RSF1: variants seen among roughly 807,000 people sequenced by gnomAD.
The protein encoded by RSF1 is HBV pX-associated protein 8.
RSF1 carries 13 observed loss-of-function variants against 145.2 expected under a neutral mutation model. That is an observed-to-expected ratio of 0.09 (90% CI 0.06 to 0.14). The LOEUF (loss-of-function observed/expected upper bound fraction) is 0.14, where lower values mean the gene tolerates loss of function less well. RSF1 is among the 10% of genes least tolerant of loss of function. RSF1 has a pLI of 1.00. For missense variants in RSF1, 1,517 were observed against 1,718.2 expected, an observed-to-expected ratio of 0.88 and a Z score of 2.07; for synonymous variants, 577 against 592.6, an observed-to-expected ratio of 0.97 and a Z score of 0.38.
chr11:77,711,544 C>T (rs1435370314), intron 5 of RSF1, among the ~76,000 whole-genome samples: 2 of 152,082 alleles, frequency 1.3e-5, no homozygotes, highest in Non-Finnish European at 2.9e-5. Flanking sequence ...TTGCAGGTGC[C>T]TGTAATCCCA....
At chr11:77,755,740 T>C (rs7129686) in intron 2 of RSF1, among the ~76,000 whole-genome samples, 65,580 of 151,774 alleles carry the variant, frequency 0.43, 14,302 homozygotes, top group South Asian at 0.61. Context: ...CCACCATGCC[T>C]GGCTAATTTT....
At chr11:77,862,145 C>G in the RSF1 span, among the ~76,000 whole-genome samples, 2 of 152,292 alleles carry the variant, frequency 1.3e-5, no homozygotes, top group East Asian at 3.9e-4. Flanking sequence ...TCTGTATGTT[C>G]TGATTCTGTG....
At position 77,785,552 on chromosome 11, in the gene RSF1, T is replaced by C. The variant is rs547852877; in HGVS notation, c.188-20863A>G. On this transcript the variant is annotated intron_variant, in intron 1 of 15. Coordinates refer to ENST00000308488, the MANE Select transcript of RSF1 (RefSeq NM_016578.4). ...TTGCAGTGAGCCGAGCTCATGCCAT[T>C]GCACTCCAGCCCAGGCAACAAGAGC... Among the ~76,000 whole-genome samples the C allele has an allele frequency of 4.6e-5, 7 of 150,842 alleles. No individual in the cohort carries two copies. In the South Asian group the frequency reaches 1.5e-3, roughly 32 times the overall value.
the RSF1 span, among the ~76,000 whole-genome samples, chr11:77,853,725 C>T: frequency 6.6e-6 from 1 of 151,886 alleles, no homozygotes; most frequent in Admixed American, 6.6e-5. Context: ...TGGATTGCTT[C>T]AGGTGAGGAG....
At chr11:77,723,660 A>C (rs910081401) in intron 5 of RSF1, among the ~76,000 whole-genome samples, 2 of 152,248 alleles carry the variant, frequency 1.3e-5, no homozygotes, top group Non-Finnish European at 2.9e-5. Flanking sequence ...ATTATTATAT[A>C]CTACACGGAA....
At chr11:77,773,452 T>C (rs1948308959) in intron 1 of RSF1, among the ~76,000 whole-genome samples, 1 of 152,146 alleles carries the variant, frequency 6.6e-6, no homozygotes, top group African/African-American at 2.4e-5. Context: ...TGCTATAGTA[T>C]ATATGCTCAA....
At chr11:77,825,433 A>G (rs2136035558), upstream of RSF1, among the ~76,000 whole-genome samples, 1 of 152,300 alleles carries the variant, frequency 6.6e-6, no homozygotes, top group East Asian at 1.9e-4. Context: ...CAAGCTGCGC[A>G]CGGTGGTTCA....
At chr11:77,716,701 C>T (rs555875266) in intron 5 of RSF1, among the ~76,000 whole-genome samples, 1 of 152,304 alleles carries the variant, frequency 6.6e-6, no homozygotes, top group South Asian at 2.1e-4. Context: ...ATGGTGACTA[C>T]AGTTACAACA....
intron 4 of RSF1, among the ~76,000 whole-genome samples, chr11:77,740,078 G>T (rs771121902): frequency 6.6e-6 from 1 of 152,188 alleles, no homozygotes; most frequent in Non-Finnish European, 1.5e-5. Context: ...ATGCTGAATA[G>T]AAAACTATAG....
chr11:77,745,671 C>T (rs926906907), intron 3 of RSF1, among the ~76,000 whole-genome samples: 3 of 151,314 alleles, frequency 2.0e-5, no homozygotes, highest in African/African-American at 7.3e-5. Context: ...TCATTGATAG[C>T]TGGCTCTGGA....
rs1959374364 is a variant in RSF1 at position 77,666,866 on chromosome 11, T to G, written c.*51A>C. ...AAACAGCTTTTAATAACTGGCCCGC[T>G]GGTGTGAGAGCTACCGTGGAATAAA... On this transcript the variant is annotated 3_prime_UTR_variant, in exon 16 of 16. Transcript: ENST00000308488. 2 of 1,409,628 alleles carry G rather than the reference T, an allele frequency of 1.4e-6. No individual in the cohort carries two copies. Among genetic ancestry groups the G allele is most frequent in the Non-Finnish European group, 1.9e-6 (2 of 1,048,364 alleles). 87.3% of individuals were successfully genotyped at this position (1,409,628 alleles called of 1,614,324 possible). A position where few individuals can be genotyped will look rare whatever the true frequency, so the allele number is the denominator to read the frequency against.
chr11:77,677,483 G>C (rs1175602326), intron 12 of RSF1, among the ~76,000 whole-genome samples: 2 of 152,152 alleles, frequency 1.3e-5, no homozygotes, highest in African/African-American at 2.4e-5. Flanking sequence ...GAAAAAGTGA[G>C]AATTCAGCAG....
chr11:77,740,625 C>A, intron 4 of RSF1, 106 bp downstream of exon 4: 3 of 1,002,720 alleles, frequency 3.0e-6, no homozygotes, highest in Non-Finnish European at 1.5e-6. Context: ...TCCCAAAACT[C>A]ACACACAAAA....
the RSF1 span, chr11:77,831,862 A>ATTTTTTT: frequency 1.2e-5 from 1 of 80,790 alleles, no homozygotes; most frequent in African/African-American, 5.9e-5. Flanking sequence ...TGCCTGGCTA[A>ATTTTTTT]TTTTTTTTTT....
At chr11:77,744,880 A>C (rs1947982866) in intron 3 of RSF1, among the ~76,000 whole-genome samples, 1 of 152,168 alleles carries the variant, frequency 6.6e-6, no homozygotes, top group African/African-American at 2.4e-5. Flanking sequence ...GACTACTATT[A>C]GTTATTCTTT....
chr11:77,754,067 T>C (rs1311603249), intron 2 of RSF1, among the ~76,000 whole-genome samples: 2 of 152,182 alleles, frequency 1.3e-5, no homozygotes, highest in Non-Finnish European at 2.9e-5. Flanking sequence ...CTTTAGATGA[T>C]TCTATCTTGG....
At chr11:77,826,659 C>A in the RSF1 span, among the ~76,000 whole-genome samples, 1 of 152,130 alleles carries the variant, frequency 6.6e-6, no homozygotes, top group Admixed American at 6.5e-5. Flanking sequence ...ACCCAGCAAC[C>A]GAACCTTTGA....
the RSF1 span, among the ~76,000 whole-genome samples, chr11:77,836,352 T>C: frequency 6.6e-6 from 1 of 151,884 alleles, no homozygotes; most frequent in African/African-American, 2.4e-5. Flanking sequence ...CCTAATCTAA[T>C]AGGATGGGTG....
chr11:77,822,414 C>CAAAAAA (rs66463325), upstream of RSF1, among the ~76,000 whole-genome samples: 10 of 74,742 alleles, frequency 1.3e-4, no homozygotes, highest in East Asian at 3.6e-4. Context: ...GACTCCACCT[C>CAAAAAA]AAAAAAAAAA....
Sources: allele counts gnomAD v4.1 joint callset (sites outside exome capture counted in the v4.1 genomes callset), GRCh38; gene constraint gnomAD v4.1.1; transcripts MANE v1.5; gene names NCBI Gene and HGNC (gene_info 2026-07-23, HGNC 2026-07-21).